The following ZNF81 variants were observed in gnomAD, a reference collection of about 807,000 sequenced individuals.
ZNF81 encodes the protein zinc finger protein 81, also known as zinc finger protein 81 (HFZ20).
A neutral mutation model predicts 32.3 loss-of-function variants in ZNF81; 5 were observed. That is an observed-to-expected ratio of 0.15 (90% CI 0.08 to 0.33). The LOEUF is 0.33. Ranked by LOEUF, ZNF81 falls within the 10% of genes least tolerant of loss-of-function variation. The pLI is 1.00. For synonymous variants in ZNF81, 163 were observed against 166.8 expected, an observed-to-expected ratio of 0.98 and a Z score of 0.17; for missense variants, 379 against 479.8, an observed-to-expected ratio of 0.79 and a Z score of 1.96.
At chrX:47,905,777 C>T (rs1191784496) in intron 4 of ZNF81, among the ~76,000 whole-genome samples, 1 of 112,467 alleles carries the variant, frequency 8.9e-6, no homozygotes, top group African/African-American at 3.2e-5. Flanking sequence ...CGTACTTTAT[C>T]TCCTATGAGG....
In ZNF81 at chrX:47,916,449, A is replaced by G. The variant is rs2058757273; in HGVS notation, c.1803A>G (p.Gln601=). 8.3e-7 allele frequency: 1 copy of G among 1,211,066 alleles called. No individual in the cohort carries two copies. The part of the protein sequence containing the change: ...FSKKPHLKVH[Q]RIHTGEKPYI... ...AGAAACCACATCTCAAAGTACATCAACGAATTCACACAGGGGAGAAACCAT... is the reference window on the plus strand; with the variant it reads ...AGAAACCACATCTCAAAGTACATCAGCGAATTCACACAGGGGAGAAACCAT... The change falls in exon 5 of 5, where the codon CAA becomes CAG. Residue 601 remains glutamine (Q), a synonymous_variant. Coordinates refer to ENST00000338637, the MANE Select transcript of ZNF81 (RefSeq NM_007137.5).
At chrX:47,908,191 C>T (rs1556889397) in intron 4 of ZNF81, among the ~76,000 whole-genome samples, 1 of 110,362 alleles carries the variant, frequency 9.1e-6, no homozygotes, top group African/African-American at 3.3e-5. Context: ...AAAGAACTCT[C>T]ACAAATCAAT....
In ZNF81 at chrX:47,909,146, T is replaced by C. The variant is rs989516310; in HGVS notation, c.278-5778T>C. On this transcript the variant is annotated intron_variant, in intron 4 of 4. Coordinates refer to ENST00000338637, the MANE Select transcript of ZNF81 (RefSeq NM_007137.5). The stretch of plus-strand genomic sequence containing the variant: ...AATAATTAGCCTGTGAGATTATTCC[T>C]CAGGTATGTTTATATAGAATTGGTA... Among the ~76,000 whole-genome samples, 7 of 112,166 alleles carry C rather than the reference T, an allele frequency of 6.2e-5. No homozygotes were observed. The Admixed American group carries it at 6.6e-4, about 11-fold the overall frequency.
intron 4 of ZNF81, among the ~76,000 whole-genome samples, chrX:47,907,088 T>C (rs985054853): frequency 4.0e-5 from 4 of 100,534 alleles, no homozygotes; most frequent in Non-Finnish European, 8.0e-5. Flanking sequence ...CCTTACGGAG[T>C]GTCTGTTTTT....
chrX:47,837,916 A>G (rs2058431783), intron 1 of ZNF81, among the ~76,000 whole-genome samples: 2 of 112,098 alleles, frequency 1.8e-5, no homozygotes, highest in Non-Finnish European at 3.8e-5. Flanking sequence ...CTGTATACCA[A>G]CTCGGGAAGA....
chrX:47,864,045 C>T (rs1036229443), intron 2 of ZNF81, among the ~76,000 whole-genome samples: 1 of 111,608 alleles, frequency 9.0e-6, no homozygotes, highest in Non-Finnish European at 1.9e-5. Context: ...ATATGACCCT[C>T]GACACTTTTT....
intron 4 of ZNF81, among the ~76,000 whole-genome samples, chrX:47,897,333 A>C (rs782600547): frequency 8.9e-6 from 1 of 112,427 alleles, no homozygotes; most frequent in African/African-American, 3.2e-5. Context: ...GCATCTTTTT[A>C]TGTGCTTATT....
intron 2 of ZNF81, among the ~76,000 whole-genome samples, chrX:47,882,081 G>C (rs1417150703): frequency 5.4e-5 from 6 of 111,195 alleles, no homozygotes; most frequent in African/African-American, 2.0e-4. Context: ...GTTTTTTGTG[G>C]TTTTTGAAAT....
chrX:47,901,482 C>A (rs939716487), intron 4 of ZNF81, among the ~76,000 whole-genome samples: 3 of 111,787 alleles, frequency 2.7e-5, no homozygotes, highest in Non-Finnish European at 5.6e-5. Flanking sequence ...GTGGCAATTT[C>A]TTTCTATTCC....
intron 3 of ZNF81, among the ~76,000 whole-genome samples, chrX:47,888,366 G>A (rs898628438): frequency 4.6e-5 from 5 of 109,223 alleles, no homozygotes; most frequent in African/African-American, 1.0e-4. Flanking sequence ...ACATACGCAC[G>A]CACACACACA....
In ZNF81 at chrX:47,917,658, G is replaced by T; in HGVS notation, c.*1026G>T. Reference sequence around the variant, plus strand: ...AGTAGCCTGCCAATTGTCAGAATTGGGAGTGAGGTTTTCCAAGACCTCTAG... The same window carrying T: ...AGTAGCCTGCCAATTGTCAGAATTGTGAGTGAGGTTTTCCAAGACCTCTAG... On this transcript the variant is annotated 3_prime_UTR_variant, in exon 5 of 5. Coordinates refer to ENST00000338637, the MANE Select transcript of ZNF81 (RefSeq NM_007137.5). 1 of 166,096 alleles carries T rather than the reference G, an allele frequency of 6.0e-6. No homozygotes were observed. Among genetic ancestry groups the T allele is most frequent in the Non-Finnish European group, 1.1e-5 (1 of 87,779 alleles). 13.7% of individuals were successfully genotyped at this position (166,096 alleles called of 1,213,427 possible). A position where few individuals can be genotyped will look rare whatever the true frequency, so the allele number is the denominator to read the frequency against.
At chrX:47,878,608 C>T (rs1556884811) in intron 2 of ZNF81, among the ~76,000 whole-genome samples, 1 of 112,235 alleles carries the variant, frequency 8.9e-6, no homozygotes, top group African/African-American at 3.2e-5. Context: ...CTTCCTGGCA[C>T]TTAGTGTGTA....
At position 47,888,124 on chromosome X, in the gene ZNF81, G is replaced by A. The variant is rs781875509; in HGVS notation, c.180G>A (p.Val60=). 1.1e-5 allele frequency: 13 copies of A among 1,206,019 alleles called. No individual in the cohort carries two copies. Among genetic ancestry groups the A allele is most frequent in the Non-Finnish European group, 1.5e-5 (13 of 893,321 alleles). ...MLENYSHLLS[V]GFEVPKPEVI... ...AGAACTACAGCCACCTGCTCTCAGT[G>A]GGTAAGGACAACCATCCTGTGAAGT... The change falls in exon 3 of 5, where the codon GTG becomes GTA. Residue 60 remains valine (V), a splice_region_variant and synonymous_variant. Transcript: ENST00000338637.
intron 4 of ZNF81, among the ~76,000 whole-genome samples, chrX:47,900,691 A>G (rs1039614603): frequency 2.7e-5 from 3 of 111,510 alleles, no homozygotes; most frequent in Admixed American, 9.5e-5. Context: ...CAGTGTTCTT[A>G]TCACAGCAGG....
At chrX:47,841,527 AAT>A (rs1556879764) in intron 1 of ZNF81, 1 of 966,299 alleles carries the variant, frequency 1.0e-6, no homozygotes, top group East Asian at 3.0e-5. Flanking sequence ...TGCCGCCAGG[AAT>A]CATGTAGGAA....
chrX:47,860,511 C>T (rs1228318044), intron 2 of ZNF81, among the ~76,000 whole-genome samples: 8 of 109,987 alleles, frequency 7.3e-5, no homozygotes, highest in African/African-American at 2.3e-4. Context: ...CTTTCAGCCT[C>T]ACCCTCATCC....
chrX:47,866,574 A>G (rs782204121), intron 2 of ZNF81, among the ~76,000 whole-genome samples: 5 of 111,690 alleles, frequency 4.5e-5, no homozygotes, highest in Non-Finnish European at 9.4e-5. Context: ...TGGAGTGGCC[A>G]TCTGTGCTAG....
At chrX:47,884,574 T>G (rs2058634295) in intron 2 of ZNF81, among the ~76,000 whole-genome samples, 1 of 112,007 alleles carries the variant, frequency 8.9e-6, no homozygotes, top group Admixed American at 9.5e-5. Flanking sequence ...TTTAACTTAC[T>G]AAGTTTTAGA....
intron 2 of ZNF81, among the ~76,000 whole-genome samples, chrX:47,853,181 C>CT (rs781961305): frequency 0.012 from 1,269 of 101,589 alleles, 21 homozygotes; most frequent in African/African-American, 0.038. Flanking sequence ...TTCCATAATT[C>CT]TTTTTTTTTT....
Sources: gnomAD v4.1 joint callset for allele counts (sites outside exome capture counted in the v4.1 genomes callset) on GRCh38, gnomAD v4.1.1 for gene constraint, MANE v1.5 for transcripts, NCBI Gene and HGNC (gene_info 2026-07-23, HGNC 2026-07-21) for gene names.